The following TMEM117 variants were observed in gnomAD, a reference collection of about 807,000 sequenced individuals.
TMEM117 encodes the protein transmembrane protein 117.
TMEM117 carries 27 observed loss-of-function variants against 52.4 expected under a neutral mutation model. The ratio of observed to expected loss-of-function variants is 0.51; its 90% confidence interval spans 0.38 to 0.71. The LOEUF is 0.71. Ranked by LOEUF, TMEM117 falls within the 30% of genes least tolerant of loss-of-function variation. The pLI is 0.00. For synonymous variants in TMEM117, 215 were observed against 206.3 expected (o/e 1.04, Z -0.36); for missense variants, 556 against 630.5 (o/e 0.88, Z 1.26).
rs74622886 is a variant in TMEM117, at chr12:44,163,938, C to T, written c.510+20314C>T. On this transcript the variant is annotated intron_variant, in intron 4 of 7. Coordinates refer to ENST00000266534, the MANE Select transcript of TMEM117 (RefSeq NM_032256.3). ...TTTTCTATTTTCATCTAGCATTGAG[C>T]CCTATATTGGCAAAACCTCTTTTTT... Among the ~76,000 whole-genome samples the T allele has an allele frequency of 2.1e-3, 325 of 152,188 alleles. 6 individuals carry two copies. The East Asian group carries it at 0.055, about 26-fold the overall frequency.
intron 3 of TMEM117, among the ~76,000 whole-genome samples, chr12:43,963,978 A>G (rs1032746724): frequency 2.0e-5 from 3 of 152,196 alleles, no homozygotes; most frequent in Non-Finnish European, 4.4e-5. Flanking sequence ...TAAAACTAAT[A>G]TGTATCAATC....
At chr12:43,891,367 A>ATTTTTT (rs772754829) in intron 2 of TMEM117, among the ~76,000 whole-genome samples, 3,009 of 57,342 alleles carry the variant, frequency 0.052, 651 homozygotes, top group Non-Finnish European at 0.06. Flanking sequence ...TACCTCTTGA[A>ATTTTTT]TTTTTTTTTT....
chr12:44,250,354 C>A (rs1174123243), intron 5 of TMEM117, among the ~76,000 whole-genome samples: 2 of 152,026 alleles, frequency 1.3e-5, no homozygotes, highest in Admixed American at 6.6e-5. Context: ...ACTGGCGAGG[C>A]TGTGGAGAAA....
intron 2 of TMEM117, among the ~76,000 whole-genome samples, chr12:43,860,163 T>C (rs1040842049): frequency 2.6e-5 from 4 of 152,164 alleles, no homozygotes; most frequent in Non-Finnish European, 4.4e-5. Context: ...CCTAATGCTA[T>C]CCCTCCCCTA....
At chr12:44,273,906 G>GGTATTCCTA (rs1242332158) in intron 5 of TMEM117, among the ~76,000 whole-genome samples, 15 of 152,066 alleles carry the variant, frequency 9.9e-5, no homozygotes, top group African/African-American at 3.6e-4. Context: ...TCTAAGATCT[G>GGTATTCCTA]GAACATGACA....
At chr12:44,077,663 CT>C (rs533670916) in intron 3 of TMEM117, among the ~76,000 whole-genome samples, 49 of 152,038 alleles carry the variant, frequency 3.2e-4, no homozygotes, top group Non-Finnish European at 4.7e-4. Flanking sequence ...ATTCTAATCA[CT>C]TTTTTTTATA....
intron 5 of TMEM117, among the ~76,000 whole-genome samples, chr12:44,242,795 G>A (rs904980164): frequency 6.7e-6 from 1 of 150,078 alleles, no homozygotes; most frequent in African/African-American, 2.4e-5. Context: ...GGGATTGCTG[G>A]GTCAAATGGT....
At chr12:44,059,089 C>G (rs755343899) in intron 3 of TMEM117, among the ~76,000 whole-genome samples, 1 of 152,104 alleles carries the variant, frequency 6.6e-6, no homozygotes. Context: ...GGTTCATGCT[C>G]CTATGAGAAT....
intron 3 of TMEM117, among the ~76,000 whole-genome samples, chr12:44,094,794 T>G (rs7967819): frequency 0.11 from 16,491 of 152,068 alleles, 2,484 homozygotes; most frequent in African/African-American, 0.34. Flanking sequence ...TGTGTTAGTG[T>G]GTGTGTGGGG....
chr12:43,954,104 A>C (rs1182170946), intron 3 of TMEM117, among the ~76,000 whole-genome samples: 3 of 152,234 alleles, frequency 2.0e-5, no homozygotes, highest in Non-Finnish European at 4.4e-5. Flanking sequence ...GTTTGAAACC[A>C]AAAAGAGCAA....
intron 3 of TMEM117, among the ~76,000 whole-genome samples, chr12:44,103,356 A>G (rs927816366): frequency 3.3e-5 from 5 of 151,810 alleles, no homozygotes. Flanking sequence ...AATCAGTACC[A>G]TTACTCTGGG....
intron 3 of TMEM117, among the ~76,000 whole-genome samples, chr12:44,007,496 A>T (rs1684950560): frequency 2.0e-5 from 3 of 152,222 alleles, no homozygotes; most frequent in East Asian, 3.9e-4. Flanking sequence ...TTCAAGAAAA[A>T]AAGTGAGTTT....
intron 3 of TMEM117, among the ~76,000 whole-genome samples, chr12:44,023,899 C>T (rs980543571): frequency 1.7e-4 from 26 of 151,634 alleles, no homozygotes; most frequent in African/African-American, 6.3e-4. Context: ...ACCAACATGG[C>T]ACATGTATAC....
chr12:43,937,981 G>A (rs1365940211), intron 2 of TMEM117, among the ~76,000 whole-genome samples: 1 of 152,078 alleles, frequency 6.6e-6, no homozygotes, highest in African/African-American at 2.4e-5. Flanking sequence ...AGCCAGACAA[G>A]GCTTTATTTT....
chr12:44,065,242 T>G (rs1485164025), intron 3 of TMEM117, among the ~76,000 whole-genome samples: 1 of 151,798 alleles, frequency 6.6e-6, no homozygotes, highest in Non-Finnish European at 1.5e-5. Context: ...TGCCGGGAGT[T>G]GTGATGGGCA....
At chr12:44,190,127 T>G (rs1205104912) in intron 4 of TMEM117, among the ~76,000 whole-genome samples, 2 of 152,198 alleles carry the variant, frequency 1.3e-5, no homozygotes, top group Non-Finnish European at 2.9e-5. Context: ...AAATGGTCAC[T>G]GAAAGAATGG....
At chr12:44,190,674 G>C (rs954294939) in intron 4 of TMEM117, among the ~76,000 whole-genome samples, 2 of 151,924 alleles carry the variant, frequency 1.3e-5, no homozygotes, top group Admixed American at 6.6e-5. Flanking sequence ...AAAAAATAAG[G>C]CTTCATGAAA....
chr12:44,330,266 T>A (rs1335522284), intron 6 of TMEM117, among the ~76,000 whole-genome samples: 4 of 151,618 alleles, frequency 2.6e-5, no homozygotes, highest in Admixed American at 6.6e-5. Flanking sequence ...AAAAGTTAAC[T>A]TTTTTATGTA....
chr12:44,157,441 A>G (rs1948841808), intron 4 of TMEM117, among the ~76,000 whole-genome samples: 1 of 152,152 alleles, frequency 6.6e-6, no homozygotes, highest in Non-Finnish European at 1.5e-5. Context: ...ATCGTTCTCA[A>G]TTTGGATTTT....
Sources: gnomAD v4.1 joint callset for allele counts (sites outside exome capture counted in the v4.1 genomes callset) on GRCh38, gnomAD v4.1.1 for gene constraint, MANE v1.5 for transcripts, NCBI Gene and HGNC (gene_info 2026-07-23, HGNC 2026-07-21) for gene names.